The following PLCB1 variants were observed in gnomAD, a reference collection of about 807,000 sequenced individuals.
The protein encoded by PLCB1 is 1-phosphatidylinositol 4,5-bisphosphate phosphodiesterase beta-1.
PLCB1 carries 46 observed loss-of-function variants against 161.8 expected under a neutral mutation model. The ratio of observed to expected loss-of-function variants is 0.28; its 90% CI spans 0.22 to 0.36. The LOEUF (loss-of-function observed/expected upper bound fraction) is 0.36, where lower values mean the gene tolerates loss of function less well. Among genes scored for constraint, PLCB1 ranks in the 10% least tolerant of loss-of-function variants. The probability of loss-of-function intolerance (pLI) is 1.00; values close to 1 mark genes in which losing one functional copy is unlikely to be tolerated. For synonymous variants in PLCB1, 517 were observed against 503.7 expected (o/e 1.03, Z -0.35); for missense variants, 1,016 against 1,472.5 (o/e 0.69, Z 5.07).
intron 2 of PLCB1, among the ~76,000 whole-genome samples, chr20:8,266,760 C>G (rs144659196): frequency 5.9e-5 from 9 of 151,568 alleles, no homozygotes; most frequent in African/African-American, 2.2e-4. Flanking sequence ...ACATCTGGGC[C>G]GGGTGCAGTG....
At chr20:8,173,203 CCT>C (rs2051750066) in intron 2 of PLCB1, among the ~76,000 whole-genome samples, 1 of 152,182 alleles carries the variant, frequency 6.6e-6, no homozygotes, top group Non-Finnish European at 1.5e-5. Flanking sequence ...GTCTGAAACT[CCT>C]CTCTCCTGCC....
At chr20:8,189,050 C>A (rs1225693142) in intron 2 of PLCB1, among the ~76,000 whole-genome samples, 1 of 152,118 alleles carries the variant, frequency 6.6e-6, no homozygotes, top group Non-Finnish European at 1.5e-5. Flanking sequence ...TATCCTGCTC[C>A]TGATAACCAC....
At chr20:8,437,705 A>G (rs979960695) in intron 3 of PLCB1, among the ~76,000 whole-genome samples, 1 of 152,192 alleles carries the variant, frequency 6.6e-6, no homozygotes, top group Non-Finnish European at 1.5e-5. Flanking sequence ...AATGTGCACC[A>G]GAGTGGCAAA....
chr20:8,731,063 G>A (rs1454660264), intron 18 of PLCB1, among the ~76,000 whole-genome samples: 1 of 151,782 alleles, frequency 6.6e-6, no homozygotes, highest in Admixed American at 6.6e-5. Flanking sequence ...TATTAAATGA[G>A]GGTTCCGAGT....
chr20:8,360,657 C>T (rs1986506185), intron 2 of PLCB1, among the ~76,000 whole-genome samples: 1 of 152,142 alleles, frequency 6.6e-6, no homozygotes, highest in South Asian at 2.1e-4. Flanking sequence ...ACATATCCAG[C>T]TCCTACCCCC....
In PLCB1 at chr20:8,884,594, A is replaced by C. The variant is rs1332994041; in HGVS notation, c.*2745A>C. On this transcript the variant is annotated 3_prime_UTR_variant, in exon 32 of 32. Coordinates refer to ENST00000338037, the MANE Select transcript of PLCB1 (RefSeq NM_015192.4). ...GATAAGCTGTCATTAAGTAATTCCC[A>C]AAAAAAGGGCCATTTGCTTGCATTA... 1.3e-5 allele frequency: 2 copies of C among 152,522 alleles called. No individual in the cohort carries two copies. The highest frequency in any genetic ancestry group is 2.9e-5 in the Non-Finnish European group (2 of 68,018). The allele number at this position is 152,522 out of a possible 1,614,324, so 9.4% of individuals were successfully genotyped here.
intron 19 of PLCB1, among the ~76,000 whole-genome samples, chr20:8,735,425 G>T (rs535009866): frequency 6.6e-6 from 1 of 152,196 alleles, no homozygotes; most frequent in African/African-American, 2.4e-5. Context: ...AGTCTCCCCT[G>T]AATGGACAGT....
At chr20:8,643,350 G>A (rs937748617) in intron 4 of PLCB1, among the ~76,000 whole-genome samples, 4 of 151,980 alleles carry the variant, frequency 2.6e-5, no homozygotes, top group African/African-American at 7.3e-5. Flanking sequence ...GTTTGTTGTC[G>A]CAACCCCCTC....
intron 3 of PLCB1, among the ~76,000 whole-genome samples, chr20:8,375,943 CAAAAAAAAAAA>C (rs34790517): frequency 1.1e-5 from 1 of 93,058 alleles, no homozygotes; most frequent in Non-Finnish European, 2.1e-5. Flanking sequence ...CCAAGTGAAC[CAAAAAAAAAAA>C]AAAAAAAAAA....
At chr20:8,622,177 C>T (rs192448804) in intron 3 of PLCB1, among the ~76,000 whole-genome samples, 2 of 151,138 alleles carry the variant, frequency 1.3e-5, no homozygotes, top group African/African-American at 4.9e-5. Context: ...TCGCTTGAAC[C>T]AGGGAGGAAG....
chr20:8,580,593 G>A (rs928611687), intron 3 of PLCB1, among the ~76,000 whole-genome samples: 1 of 152,204 alleles, frequency 6.6e-6, no homozygotes, highest in East Asian at 1.9e-4. Context: ...CAATAAGAGA[G>A]AAATAGAAGG....
chr20:8,719,374 G>A (rs867682483), intron 14 of PLCB1, among the ~76,000 whole-genome samples: 23 of 152,224 alleles, frequency 1.5e-4, no homozygotes, highest in Admixed American at 6.5e-4. Flanking sequence ...GCTTAAAGCA[G>A]AGGTATTCAG....
chr20:8,854,839 G>A (rs1405930544), intron 31 of PLCB1, among the ~76,000 whole-genome samples: 2 of 152,208 alleles, frequency 1.3e-5, no homozygotes, highest in Non-Finnish European at 2.9e-5. Context: ...GGGCTAAGAA[G>A]CCTTCACCGT....
At chr20:8,484,849 A>C (rs1196779663) in intron 3 of PLCB1, among the ~76,000 whole-genome samples, 1 of 152,168 alleles carries the variant, frequency 6.6e-6, no homozygotes, top group African/African-American at 2.4e-5. Context: ...CCCAATTCAA[A>C]TAGAAACTCC....
At chr20:8,877,904 G>T (rs1600110262) in intron 31 of PLCB1, among the ~76,000 whole-genome samples, 1 of 152,132 alleles carries the variant, frequency 6.6e-6, no homozygotes, top group Non-Finnish European at 1.5e-5. Flanking sequence ...ACTATCCCAT[G>T]ATGAAAGTCT....
chr20:8,530,511 TG>T (rs1316986676), intron 3 of PLCB1, among the ~76,000 whole-genome samples: 1 of 152,128 alleles, frequency 6.6e-6, no homozygotes, highest in Non-Finnish European at 1.5e-5. Context: ...TGTAACTTTT[TG>T]ATTATTTATT....
chr20:8,258,264 A>T (rs1308538241), intron 2 of PLCB1, among the ~76,000 whole-genome samples: 1 of 152,198 alleles, frequency 6.6e-6, no homozygotes, highest in East Asian at 1.9e-4. Context: ...ACCAACCATA[A>T]TATTGACTGA....
chr20:8,231,179 G>C (rs186537284), intron 2 of PLCB1, among the ~76,000 whole-genome samples: 1 of 152,268 alleles, frequency 6.6e-6, no homozygotes, highest in East Asian at 1.9e-4. Context: ...ATGTATGCAT[G>C]TATCACATGC....
At chr20:8,488,992 C>T (rs1022857933) in intron 3 of PLCB1, among the ~76,000 whole-genome samples, 7 of 152,052 alleles carry the variant, frequency 4.6e-5, no homozygotes, top group Admixed American at 6.5e-5. Flanking sequence ...AGAAGACAAA[C>T]GGAGATTAGG....
Sources: allele counts gnomAD v4.1 joint callset (sites outside exome capture counted in the v4.1 genomes callset), GRCh38; gene constraint gnomAD v4.1.1; transcripts MANE v1.5; gene names NCBI Gene and HGNC (gene_info 2026-07-23, HGNC 2026-07-21).